FREM3: variants seen among roughly 807,000 people sequenced by gnomAD.
The protein encoded by FREM3 is FRAS1-related extracellular matrix protein 3.
FREM3 carries 105 observed loss-of-function variants against 129.1 expected under a neutral mutation model. That is an observed-to-expected ratio of 0.81 (90% CI 0.69 to 0.96). FREM3 has a LOEUF of 0.96. Among genes scored for constraint, FREM3 ranks in the 40% least tolerant of loss-of-function variants. The pLI is 0.00. For missense variants in FREM3, 2,593 were observed against 2,666.3 expected (o/e 0.97, Z 0.61); for synonymous variants, 1,014 against 1,044.9 (o/e 0.97, Z 0.57).
At chr4:143,670,088 A>G (rs919334095) in intron 2 of FREM3, among the ~76,000 whole-genome samples, 15 of 152,158 alleles carry the variant, frequency 9.9e-5, no homozygotes, top group African/African-American at 3.6e-4. Flanking sequence ...GTGACTGCAT[A>G]GAATGTAACC....
rs1219924632 is a variant in FREM3, at chr4:143,652,158, T to TTC, written c.5276-24399_5276-24398insGA. Among the ~76,000 whole-genome samples the TTC allele has an allele frequency of 1.5e-4, 5 of 34,438 alleles. 1 individual carries two copies. Among genetic ancestry groups the TTC allele is most frequent in the African/African-American group, 3.3e-4 (5 of 15,208 alleles). 22.6% of individuals were successfully genotyped at this position (34,438 alleles called of 152,430 possible). On this transcript the variant is annotated intron_variant, in intron 2 of 7. Transcript: ENST00000329798. ...GTCTTTTTCCTTTCTTTTTTTTTTT[T>TTC]TTTTTTTTTTTTTTTGAGACGGAGT...
chr4:143,692,947 A>G (rs1740499757), intron 2 of FREM3, among the ~76,000 whole-genome samples, 166 bp downstream of exon 2: 1 of 152,324 alleles, frequency 6.6e-6, no homozygotes, highest in Admixed American at 6.5e-5. Context: ...GCACAGGACC[A>G]TAAGTGAAAC....
intron 6 of FREM3, among the ~76,000 whole-genome samples, chr4:143,603,943 C>T (rs556108470): frequency 6.6e-6 from 1 of 152,268 alleles, no homozygotes; most frequent in South Asian, 2.1e-4. Context: ...GGATATTGTT[C>T]CTTCCAAATC....
At chr4:143,583,144 C>T (rs2149832996) in intron 7 of FREM3, among the ~76,000 whole-genome samples, 1 of 152,186 alleles carries the variant, frequency 6.6e-6, no homozygotes, top group East Asian at 1.9e-4. Context: ...GCTAGGATTA[C>T]AGATGAGAGC....
In FREM3 at chr4:143,585,943, G is replaced by A. The variant is rs747219879; in HGVS notation, c.6079C>T (p.Arg2027Cys). 1.6e-5 allele frequency: 25 copies of A among 1,537,390 alleles called. 1 individual carries two copies. The highest frequency in any genetic ancestry group is 1.4e-4 in the South Asian group (12 of 84,052). The change falls in exon 7 of 8, where the codon CGC becomes TGC. Residue 2027 changes from arginine (R) to cysteine (C), a missense_variant. Arg to Cys is a radical substitution (Grantham distance 180). Around this residue, in one of 2 missense-constraint regions of FREM3, gnomAD observed 317 missense variants for 399.0 expected, o/e 0.79. Coordinates refer to ENST00000329798, the MANE Select transcript of FREM3 (RefSeq NM_001168235.2). The surrounding 1 kb of genome is among the most constrained non-coding windows in gnomAD (Gnocchi z 4.2). ...CTCCAAACACAAACCTCCACGTAGC[G>A]AGCACTTTCATTGACGTGATATTCA... The part of the protein sequence containing the change: ...DAEYHVNESA[R>C]YVEVCVWRRG...
intron 2 of FREM3, among the ~76,000 whole-genome samples, chr4:143,690,031 A>G (rs1051753751): frequency 2.0e-5 from 3 of 151,922 alleles, no homozygotes; most frequent in Non-Finnish European, 1.5e-5. Flanking sequence ...AAAAAAAAAA[A>G]AAAAGAAATG....
chr4:143,686,466 A>G (rs1740365458), intron 2 of FREM3, among the ~76,000 whole-genome samples: 1 of 152,226 alleles, frequency 6.6e-6, no homozygotes, highest in Non-Finnish European at 1.5e-5. Context: ...TATACCTTGG[A>G]ACAAATGGAC....
chr4:143,669,234 G>C (rs1440970618), intron 2 of FREM3, among the ~76,000 whole-genome samples: 1 of 152,176 alleles, frequency 6.6e-6, no homozygotes, highest in Non-Finnish European at 1.5e-5. Context: ...AGGAACTAGG[G>C]TGCGTTATGA....
At chr4:143,655,293 A>G (rs1407007480) in intron 2 of FREM3, among the ~76,000 whole-genome samples, 2 of 152,226 alleles carry the variant, frequency 1.3e-5, no homozygotes, top group Non-Finnish European at 1.5e-5. Context: ...TCACCCTTTT[A>G]TGCCTAAGTA....
chr4:143,622,410 T>A (rs1351279658), intron 4 of FREM3, among the ~76,000 whole-genome samples: 1 of 150,808 alleles, frequency 6.6e-6, no homozygotes, highest in Admixed American at 6.6e-5. Context: ...CATCTTTTTT[T>A]TTTTTTTTTT....
chr4:143,586,603 A>C (rs1738248599), intron 6 of FREM3, among the ~76,000 whole-genome samples: 1 of 152,212 alleles, frequency 6.6e-6, no homozygotes, highest in African/African-American at 2.4e-5. Context: ...GAGAACAACC[A>C]GCACAGACAC....
chr4:143,693,137 A>G lies in FREM3; in HGVS notation c.5251T>C (p.Phe1751Leu), dbSNP rs1392818375. 1 of 1,510,782 alleles carries G rather than the reference A, an allele frequency of 6.6e-7. No homozygotes were observed. Among genetic ancestry groups the G allele is most frequent in the Admixed American group, 2.0e-5 (1 of 49,396 alleles). 93.6% of individuals were successfully genotyped at this position (1,510,782 alleles called of 1,614,324 possible). The part of the protein sequence containing the change: ...NEGSNASKDI[F>L]YFSVEDNGGN... ...CCATTGTCTTCAACAGAGAAATAGA[A>G]GATGTCCTTTGATGCGTTGCTGCCC... The change falls in exon 2 of 8, where the codon TTC (phenylalanine) becomes CTC (leucine). Residue 1751 changes from phenylalanine to leucine, a missense_variant. Phe to Leu is a conservative substitution (Grantham distance 22, BLOSUM62 0). This residue lies in a region of FREM3 where 2,276 missense variants were observed against 2,267.2 expected (regional missense o/e 1.00). Transcript: ENST00000329798.
At chr4:143,616,226 T>C (rs1738841535) in intron 5 of FREM3, among the ~76,000 whole-genome samples, 1 of 152,168 alleles carries the variant, frequency 6.6e-6, no homozygotes, top group Non-Finnish European at 1.5e-5. Context: ...ATTTCAAGAC[T>C]GGAGTTGAAA....
chr4:143,677,917 T>C (rs1027657788), intron 2 of FREM3, among the ~76,000 whole-genome samples: 6 of 152,106 alleles, frequency 3.9e-5, no homozygotes, highest in African/African-American at 1.4e-4. Flanking sequence ...TGTGGAGAAA[T>C]AGGAACACTT....
chr4:143,603,333 G>A (rs571130191), intron 6 of FREM3, among the ~76,000 whole-genome samples: 6 of 152,216 alleles, frequency 3.9e-5, no homozygotes, highest in South Asian at 2.1e-4. Context: ...ATTGTGTAAT[G>A]TACATAATCT....
chr4:143,603,846 A>G (rs1010837218), intron 6 of FREM3, among the ~76,000 whole-genome samples: 1 of 152,138 alleles, frequency 6.6e-6, no homozygotes, highest in East Asian at 1.9e-4. Flanking sequence ...TCAACAGTGT[A>G]TAGCCAACCA....
At chr4:143,626,910 A>G (rs1464923414) in intron 3 of FREM3, among the ~76,000 whole-genome samples, 1 of 152,202 alleles carries the variant, frequency 6.6e-6, no homozygotes, top group East Asian at 1.9e-4. Context: ...AATGAAGACA[A>G]TATAACCCTA....
chr4:143,621,349 G>T (rs1156419605), intron 4 of FREM3, among the ~76,000 whole-genome samples, 187 bp from the exon 5 acceptor site: 1 of 152,264 alleles, frequency 6.6e-6, no homozygotes, highest in Non-Finnish European at 1.5e-5. Flanking sequence ...ATTGGAATTG[G>T]GTTTTAGGAG....
At chr4:143,623,503 C>G (rs562227688) in intron 4 of FREM3, among the ~76,000 whole-genome samples, 18 of 138,328 alleles carry the variant, frequency 1.3e-4, no homozygotes, top group South Asian at 2.8e-4. Flanking sequence ...TCCCCCCCCC[C>G]CCCCACCATT....
Sources: gnomAD v4.1 joint callset for allele counts (sites outside exome capture counted in the v4.1 genomes callset) on GRCh38, gnomAD v4.1.1 for gene constraint, gnomAD v4.1.1 regional missense constraint, Gnocchi (gnomAD v3.1) non-coding constraint, MANE v1.5 for transcripts, NCBI Gene and HGNC (gene_info 2026-07-23, HGNC 2026-07-21) for gene names.